The following KATNA1 variants were observed in gnomAD, a reference collection of about 807,000 sequenced individuals.
KATNA1 encodes the protein katanin catalytic subunit A1, also known as katanin p60 ATPase-containing subunit A1.
Under a neutral mutation model 62.6 loss-of-function variants are expected in KATNA1, and 42 were observed. The observed-to-expected ratio is 0.67, with a 90% CI of 0.52 to 0.87. The LOEUF (loss-of-function observed/expected upper bound fraction) is 0.87, where lower values mean the gene tolerates loss of function less well. Ranked by LOEUF, KATNA1 falls within the 40% of genes least tolerant of loss-of-function variation. KATNA1 has a pLI of 0.00. For synonymous variants in KATNA1, 186 were observed against 201.9 expected, an observed-to-expected ratio of 0.92 and a Z score of 0.67; for missense variants, 498 against 612.5, an observed-to-expected ratio of 0.81 and a Z score of 1.97.
At chr6:149,611,427 A>T (rs1778948374) in intron 4 of KATNA1, among the ~76,000 whole-genome samples, 1 of 147,702 alleles carries the variant, frequency 6.8e-6, no homozygotes, top group African/African-American at 2.5e-5. Context: ...GCGCCATCGT[A>T]CTCCAGCCTG....
At chr6:149,619,063 T>C (rs1779294198) in intron 4 of KATNA1, among the ~76,000 whole-genome samples, 2 of 152,122 alleles carry the variant, frequency 1.3e-5, no homozygotes, top group Admixed American at 6.6e-5. Context: ...GGAGAAAATA[T>C]TTGCAAACTA....
chr6:149,611,916 T>C (rs1014386404), intron 4 of KATNA1, among the ~76,000 whole-genome samples: 3 of 151,668 alleles, frequency 2.0e-5, no homozygotes, highest in Admixed American at 6.6e-5. Context: ...AGGAGAATGG[T>C]GTGAACCCAG....
chr6:149,601,168 A>ATCC (rs1778530161), intron 7 of KATNA1, among the ~76,000 whole-genome samples: 2 of 152,172 alleles, frequency 1.3e-5, no homozygotes, highest in South Asian at 4.1e-4. Context: ...CCTAATCCAA[A>ATCC]GATTAGGTCA....
At chr6:149,642,533 CTATT>C (rs1384751185) in intron 1 of KATNA1, among the ~76,000 whole-genome samples, 1 of 152,074 alleles carries the variant, frequency 6.6e-6, no homozygotes, top group Non-Finnish European at 1.5e-5. Context: ...TAGAGTCAAT[CTATT>C]TATTCCCTGC....
intron 1 of KATNA1, among the ~76,000 whole-genome samples, chr6:149,638,778 C>T (rs1172063170): frequency 7.1e-6 from 1 of 141,640 alleles, no homozygotes; most frequent in Non-Finnish European, 1.5e-5. Context: ...GCTCTGTGGC[C>T]CCGGCTGGAG....
At chr6:149,609,891 G>A (rs112991178) in intron 4 of KATNA1, among the ~76,000 whole-genome samples, 2,364 of 150,972 alleles carry the variant, frequency 0.016, 26 homozygotes, top group Middle Eastern at 0.031. Context: ...ACCTGAGGTC[G>A]GAGTTGGAGA....
At position 149,632,803 on chromosome 6, in the gene KATNA1, A is replaced by C. The variant is rs752234126; in HGVS notation, c.276T>G (p.Ala92=). 1.2e-6 allele frequency: 2 copies of C among 1,613,582 alleles called. No individual in the cohort carries two copies. Among genetic ancestry groups the C allele is most frequent in the African/African-American group, 1.3e-5 (1 of 74,886 alleles). The part of the protein sequence containing the change: ...PLKAAQHDLP[A]SEGEVWSMPV... ...GCATGGACCAGACTTCTCCCTCAGA[A>C]GCTGGAAGGTCATGCTGTGCCGCTT... is the stretch of plus-strand genomic sequence containing the variant. Residue 92 remains alanine (A), a synonymous_variant, in exon 3 of 11, where the codon GCT becomes GCG. Transcript: ENST00000367411.
Position 149,597,633 on chromosome 6 carries a change from C to T in KATNA1, c.1024G>A (p.Gly342Ser), listed in dbSNP as rs1432441267. 2 of 1,613,436 alleles carry T rather than the reference C, an allele frequency of 1.2e-6. No homozygotes were observed. Among genetic ancestry groups the T allele is most frequent in the African/African-American group, 1.3e-5 (1 of 74,894 alleles). The change falls in exon 9 of 11, where the codon GGT (glycine) becomes AGT (serine). Residue 342 changes from glycine to serine, a missense_variant. Around this residue, in one of 3 missense-constraint regions of KATNA1, gnomAD observed 267 missense variants for 372.6 expected, o/e 0.72. Coordinates refer to ENST00000367411, the MANE Select transcript of KATNA1 (RefSeq NM_007044.4). ...GAAGGGTCATCATTTTCAGAAGTAC[C>T]TCCAACACCTAAAATAAGGGTAAGG... ...ELLVQMDGVG[G>S]TSENDDPSKM... is the part of the protein sequence containing the mutation.
intron 3 of KATNA1, among the ~76,000 whole-genome samples, chr6:149,626,193 GA>G (rs1170455222): frequency 4.0e-5 from 6 of 150,796 alleles, no homozygotes; most frequent in African/African-American, 1.5e-4. Context: ...AAAATATTTT[GA>G]AAATAAAGAT....
intron 4 of KATNA1, among the ~76,000 whole-genome samples, chr6:149,618,427 G>A (rs11155668): frequency 0.34 from 52,265 of 151,542 alleles, 10,633 homozygotes; most frequent in East Asian, 0.81. Flanking sequence ...GCAGTGAGCC[G>A]AGATCCTGCC....
intron 4 of KATNA1, among the ~76,000 whole-genome samples, chr6:149,608,959 A>T (rs1778844390): frequency 6.6e-6 from 1 of 152,236 alleles, no homozygotes; most frequent in South Asian, 2.1e-4. Context: ...TTTAAATAAG[A>T]TCTAGAGTCT....
intron 4 of KATNA1, among the ~76,000 whole-genome samples, chr6:149,611,999 CA>C (rs1329613971): frequency 6.6e-6 from 1 of 151,344 alleles, no homozygotes; most frequent in Non-Finnish European, 1.5e-5. Context: ...GACTCCATCT[CA>C]AAAAATAAAA....
chr6:149,602,721 A>AT (rs563234607), intron 6 of KATNA1, among the ~76,000 whole-genome samples: 2,924 of 140,914 alleles, frequency 0.021, 36 homozygotes, highest in Admixed American at 0.038. Flanking sequence ...GTGAATTCTA[A>AT]TTTTTTTTTT....
intron 3 of KATNA1, among the ~76,000 whole-genome samples, chr6:149,624,660 G>A (rs904572821): frequency 2.6e-5 from 4 of 152,010 alleles, no homozygotes; most frequent in African/African-American, 4.8e-5. Flanking sequence ...GACTACAGGC[G>A]TGAGCCCCTG....
At chr6:149,641,972 G>A (rs1321169913) in intron 1 of KATNA1, among the ~76,000 whole-genome samples, 4 of 151,850 alleles carry the variant, frequency 2.6e-5, no homozygotes, top group Non-Finnish European at 4.4e-5. Flanking sequence ...GTGTGATCTC[G>A]GCTCACTGCA....
chr6:149,641,085 G>T (rs1780264815), intron 1 of KATNA1, among the ~76,000 whole-genome samples: 1 of 149,068 alleles, frequency 6.7e-6, no homozygotes, highest in African/African-American at 2.5e-5. Flanking sequence ...GGTCACGCTG[G>T]TCTCGAACTC....
intron 3 of KATNA1, among the ~76,000 whole-genome samples, chr6:149,625,491 G>T (rs367833515): frequency 6.6e-6 from 1 of 151,894 alleles, no homozygotes; most frequent in African/African-American, 2.4e-5. Flanking sequence ...TTAGCTGGGT[G>T]TGGTGGCACG....
intron 4 of KATNA1, among the ~76,000 whole-genome samples, chr6:149,619,235 C>T (rs575755879): frequency 2.8e-4 from 42 of 152,004 alleles, no homozygotes; most frequent in Non-Finnish European, 4.6e-4. Context: ...AAAAAAAATC[C>T]TCAATGTCAC....
At chr6:149,610,387 A>C (rs1778904712) in intron 4 of KATNA1, among the ~76,000 whole-genome samples, 1 of 152,100 alleles carries the variant, frequency 6.6e-6, no homozygotes, top group Non-Finnish European at 1.5e-5. Context: ...ATTCCACCTA[A>C]CCACAGCAAA....
Sources: allele counts gnomAD v4.1 joint callset (sites outside exome capture counted in the v4.1 genomes callset), GRCh38; gene constraint gnomAD v4.1.1; regional missense constraint gnomAD v4.1.1; transcripts MANE v1.5; gene names NCBI Gene and HGNC (gene_info 2026-07-23, HGNC 2026-07-21).